The following SRBD1 variants were observed in gnomAD, a reference collection of about 807,000 sequenced individuals.
SRBD1 encodes the protein S1 RNA binding domain 1.
Under a neutral mutation model 115.3 loss-of-function variants are expected in SRBD1, and 88 were observed. That is an observed-to-expected ratio of 0.76 (90% CI 0.64 to 0.91). The LOEUF (loss-of-function observed/expected upper bound fraction) is 0.91. Ranked by LOEUF, SRBD1 falls within the 40% of genes least tolerant of loss-of-function variation. The pLI, the probability that SRBD1 is intolerant of heterozygous loss-of-function variation, is 0.00. For missense variants in SRBD1, 1,385 were observed against 1,177.4 expected, an observed-to-expected ratio of 1.18 and a Z score of -2.58; for synonymous variants, 509 against 407.7, an observed-to-expected ratio of 1.25 and a Z score of -2.99.
intron 16 of SRBD1, among the ~76,000 whole-genome samples, chr2:45,424,377 G>A (rs548775078): frequency 1.2e-4 from 18 of 152,164 alleles, no homozygotes; most frequent in Non-Finnish European, 2.1e-4. Context: ...TACTCACAAT[G>A]ACCTGTTTGT....
chr2:45,457,746 G>T (rs1271051729), intron 16 of SRBD1, among the ~76,000 whole-genome samples: 3 of 151,938 alleles, frequency 2.0e-5, no homozygotes, highest in Admixed American at 1.3e-4. Context: ...GTCTAATTCA[G>T]CTAACATTTG....
chr2:45,569,952 A>G (rs920720128), intron 9 of SRBD1, among the ~76,000 whole-genome samples: 1 of 152,258 alleles, frequency 6.6e-6, no homozygotes, highest in African/African-American at 2.4e-5. Flanking sequence ...TATTGTACAC[A>G]TATACCTTTC....
chr2:45,521,650 A>G lies in SRBD1; in HGVS notation c.1874+25082T>C, dbSNP rs569291877. 2.0e-5 allele frequency among the ~76,000 whole-genome samples: 3 copies of G among 152,236 alleles called. No homozygotes were observed. In the East Asian group the frequency reaches 5.8e-4, roughly 29 times the overall value. On this transcript the variant is annotated intron_variant, in intron 14 of 20. Transcript: ENST00000263736. The stretch of plus-strand genomic sequence containing the variant: ...TGATTGTATATTTACACTCCTACAT[A>G]TATATTACCAGCAATTACACTCCTA...
At chr2:45,576,043 AG>A (rs760357322) in intron 7 of SRBD1, among the ~76,000 whole-genome samples, 31 of 152,102 alleles carry the variant, frequency 2.0e-4, no homozygotes, top group Non-Finnish European at 3.4e-4. Flanking sequence ...AGTTGGAACA[AG>A]GGTGCCTGCC....
At chr2:45,607,908 AGG>A (rs1674322632) in intron 1 of SRBD1, among the ~76,000 whole-genome samples, 1 of 152,166 alleles carries the variant, frequency 6.6e-6, no homozygotes, top group African/African-American at 2.4e-5. Context: ...CCCTCTAGGG[AGG>A]AGAATGGGAA....
chr2:45,593,865 G>C (rs911789023), intron 4 of SRBD1, among the ~76,000 whole-genome samples: 2 of 152,206 alleles, frequency 1.3e-5, no homozygotes, highest in African/African-American at 4.8e-5. Flanking sequence ...AATCAGAAGA[G>C]TGGTTGTATG....
At chr2:45,390,849 G>C (rs1666976887) in intron 20 of SRBD1, among the ~76,000 whole-genome samples, 1 of 152,032 alleles carries the variant, frequency 6.6e-6, no homozygotes, top group Middle Eastern at 3.2e-3. Flanking sequence ...AAATCTCACT[G>C]TACACATAAA....
chr2:45,488,859 T>G (rs1670203887), intron 14 of SRBD1, among the ~76,000 whole-genome samples: 1 of 149,268 alleles, frequency 6.7e-6, no homozygotes, highest in Non-Finnish European at 1.5e-5. Context: ...AACCACAACA[T>G]GAAAAAAAAA....
intron 19 of SRBD1, among the ~76,000 whole-genome samples, chr2:45,397,952 C>G (rs1667193266): frequency 6.6e-6 from 1 of 152,134 alleles, no homozygotes; most frequent in South Asian, 2.1e-4. Context: ...AGGCCAGAAT[C>G]CTTAACAATC....
intron 14 of SRBD1, among the ~76,000 whole-genome samples, chr2:45,545,302 A>AAAAAAAAAAAAAAAAAAAAAAAC: frequency 6.7e-6 from 1 of 149,010 alleles, no homozygotes; most frequent in African/African-American, 2.5e-5. Flanking sequence ...AAAAAAAAAA[A>AAAAAAAAAAAAAAAAAAAAAAAC]AAAAAAAAAA....
intron 16 of SRBD1, among the ~76,000 whole-genome samples, chr2:45,466,828 A>G (rs1669502700): frequency 6.6e-6 from 1 of 152,206 alleles, no homozygotes; most frequent in Non-Finnish European, 1.5e-5. Context: ...TGTTAAAATC[A>G]GATTCTGATT....
chr2:45,450,096 A>C (rs933105989), intron 16 of SRBD1, among the ~76,000 whole-genome samples: 11 of 152,192 alleles, frequency 7.2e-5, no homozygotes, highest in Admixed American at 5.9e-4. Context: ...CCACAAAAAG[A>C]AGCACAGGAG....
chr2:45,585,777 G>C lies in SRBD1; in HGVS notation c.649-3C>G. ...ATATTAGTTCTCTCAGATAAAACCTGCAAATTAAAGATACTTAGTGATTTA... is the reference window on the plus strand; with the variant it reads ...ATATTAGTTCTCTCAGATAAAACCTCCAAATTAAAGATACTTAGTGATTTA... On this transcript the variant is annotated splice_region_variant and splice_polypyrimidine_tract_variant and intron_variant, in intron 4 of 20. Transcript: ENST00000263736. 1 of 1,578,566 alleles carries C rather than the reference G, an allele frequency of 6.3e-7. No homozygotes were observed. The highest frequency in any genetic ancestry group is 8.6e-7 in the Non-Finnish European group (1 of 1,168,954).
chr2:45,491,675 T>C (rs1048711221), intron 14 of SRBD1, among the ~76,000 whole-genome samples: 8 of 152,214 alleles, frequency 5.3e-5, no homozygotes, highest in African/African-American at 1.9e-4. Flanking sequence ...AGATATTTTA[T>C]TTAAGCACTA....
In SRBD1 at chr2:45,585,615, C is replaced by G. The variant is rs765096430; in HGVS notation, c.808G>C (p.Glu270Gln). 6.2e-7 allele frequency: 1 copy of G among 1,610,676 alleles called. No homozygotes were observed. The highest frequency in any genetic ancestry group is 1.7e-5 in the Admixed American group (1 of 59,324). ...SLREVQQTLE[E>Q]LRAVAKKVHS... is the part of the protein sequence containing the mutation. ...CTTTTTTAGGTTTCTTACCGTAGCT[C>G]TTCTAGGGTTTGCTGAACTTCTCTC... Residue 270 changes from glutamate to glutamine, a missense_variant, in exon 5 of 21, where the codon GAG becomes CAG. Transcript: ENST00000263736.
intron 12 of SRBD1, among the ~76,000 whole-genome samples, chr2:45,547,974 T>C (rs1343561590): frequency 6.6e-6 from 1 of 152,174 alleles, no homozygotes; most frequent in East Asian, 1.9e-4. Context: ...TTTTTTCTGG[T>C]TGTAGATACA....
chr2:45,524,902 A>G (rs550629669), intron 14 of SRBD1, among the ~76,000 whole-genome samples: 155 of 152,172 alleles, frequency 1.0e-3, no homozygotes, highest in African/African-American at 3.5e-3. Context: ...CTATGAAACA[A>G]TAAAAATCAA....
At chr2:45,430,457 T>TC in intron 16 of SRBD1, among the ~76,000 whole-genome samples, 1 of 152,062 alleles carries the variant, frequency 6.6e-6, no homozygotes, top group Admixed American at 6.5e-5. Flanking sequence ...TATAGACCAA[T>TC]GGAACAAAAA....
intron 19 of SRBD1, 65 bp from the exon 20 acceptor site, chr2:45,393,194 C>G: frequency 6.8e-7 from 1 of 1,462,028 alleles, no homozygotes; most frequent in African/African-American, 1.4e-5. Flanking sequence ...TCTCCTTATA[C>G]AGATCACCCT....
Sources: allele counts gnomAD v4.1 joint callset (sites outside exome capture counted in the v4.1 genomes callset), GRCh38; gene constraint gnomAD v4.1.1; transcripts MANE v1.5; gene names NCBI Gene and HGNC (gene_info 2026-07-23, HGNC 2026-07-21).